CSMD1: variants seen among roughly 807,000 people sequenced by gnomAD.
The protein encoded by CSMD1 is CUB and Sushi multiple domains 1, also known as CUB and sushi domain-containing protein 1.
CSMD1 carries 213 observed loss-of-function variants against 417.5 expected under a neutral mutation model. The observed-to-expected ratio is 0.51, with a 90% confidence interval of 0.46 to 0.57. The LOEUF is 0.57. Ranked by LOEUF, CSMD1 falls within the 20% of genes least tolerant of loss-of-function variation. CSMD1 has a pLI of 0.00. For missense variants in CSMD1, 6,923 were observed against 4,529.7 expected (o/e 1.53, Z -15.17); for synonymous variants, 2,862 against 1,736.8 (o/e 1.65, Z -16.11).
At chr8:3,499,549 G>A (rs1422875942) in intron 10 of CSMD1, among the ~76,000 whole-genome samples, 2 of 152,050 alleles carry the variant, frequency 1.3e-5, no homozygotes, top group African/African-American at 2.4e-5. Flanking sequence ...GCCAGTCCTT[G>A]GTCTCCTGCA....
intron 3 of CSMD1, among the ~76,000 whole-genome samples, chr8:4,278,834 G>A (rs11996966): frequency 0.028 from 4,281 of 152,164 alleles, 205 homozygotes; most frequent in African/African-American, 0.097. Flanking sequence ...GTATTTATAG[G>A]AAAAACACTT....
intron 3 of CSMD1, among the ~76,000 whole-genome samples, chr8:4,251,816 G>C (rs916583267): frequency 2.7e-5 from 4 of 149,776 alleles, no homozygotes; most frequent in Non-Finnish European, 4.5e-5. Flanking sequence ...AGGACAGATG[G>C]AGGAGGAGAG....
At chr8:3,920,690 G>T (rs2912263) in intron 5 of CSMD1, among the ~76,000 whole-genome samples, 64,960 of 151,812 alleles carry the variant, frequency 0.43, 14,265 homozygotes, top group East Asian at 0.71. Flanking sequence ...CAGGAAAATA[G>T]GTTAAATTTT....
At chr8:3,652,009 G>T (rs752081224) in intron 7 of CSMD1, among the ~76,000 whole-genome samples, 1 of 128,670 alleles carries the variant, frequency 7.8e-6, no homozygotes, top group Non-Finnish European at 1.6e-5. Flanking sequence ...CCATCAGTGC[G>T]CTTACCACCA....
intron 7 of CSMD1, among the ~76,000 whole-genome samples, chr8:3,673,524 A>G (rs1799196829): frequency 1.3e-5 from 2 of 152,198 alleles, no homozygotes; most frequent in Admixed American, 6.5e-5. Context: ...TTACAGGAGA[A>G]AGTGTTTGCA....
chr8:3,266,451 C>G (rs1048754163), intron 26 of CSMD1, among the ~76,000 whole-genome samples: 2 of 151,310 alleles, frequency 1.3e-5, no homozygotes, highest in African/African-American at 4.9e-5. Flanking sequence ...ATGAAAAATA[C>G]AAAAATTAGC....
At chr8:3,910,374 C>G (rs1396271662) in intron 5 of CSMD1, among the ~76,000 whole-genome samples, 1 of 152,094 alleles carries the variant, frequency 6.6e-6, no homozygotes, top group Non-Finnish European at 1.5e-5. Context: ...ACAGAATGCA[C>G]CAGGAAGAGA....
At chr8:4,796,911 G>T (rs942902896) in intron 1 of CSMD1, among the ~76,000 whole-genome samples, 3 of 152,172 alleles carry the variant, frequency 2.0e-5, no homozygotes, top group Non-Finnish European at 4.4e-5. Flanking sequence ...GACACATTAG[G>T]TCTCTGAGTG....
intron 4 of CSMD1, among the ~76,000 whole-genome samples, chr8:4,009,637 T>C (rs1261698952): frequency 6.6e-6 from 1 of 152,112 alleles, no homozygotes; most frequent in Non-Finnish European, 1.5e-5. Flanking sequence ...AAATAAGAAA[T>C]ACACCCACAT....
At chr8:3,873,020 T>C (rs1214793410) in intron 5 of CSMD1, among the ~76,000 whole-genome samples, 1 of 151,830 alleles carries the variant, frequency 6.6e-6, no homozygotes, top group Non-Finnish European at 1.5e-5. Flanking sequence ...CTCACACTAC[T>C]CAGAATTGTT....
chr8:3,104,087 C>T (rs1815955372), intron 46 of CSMD1, among the ~76,000 whole-genome samples: 1 of 152,066 alleles, frequency 6.6e-6, no homozygotes, highest in Non-Finnish European at 1.5e-5. Context: ...CATACGTATG[C>T]CTTTCTTCTC....
intron 5 of CSMD1, among the ~76,000 whole-genome samples, chr8:3,893,871 CT>C (rs1465408325): frequency 6.6e-6 from 1 of 152,086 alleles, no homozygotes; most frequent in Non-Finnish European, 1.5e-5. Flanking sequence ...AAACACACCC[CT>C]GGTTGGAGAT....
intron 3 of CSMD1, among the ~76,000 whole-genome samples, chr8:4,359,599 G>A (rs1047586175): frequency 1.3e-5 from 2 of 152,194 alleles, no homozygotes; most frequent in Non-Finnish European, 2.9e-5. Flanking sequence ...CTAAAAGACT[G>A]AATTAACTCA....
intron 3 of CSMD1, among the ~76,000 whole-genome samples, chr8:4,089,567 C>G (rs1431791760): frequency 6.6e-6 from 1 of 152,118 alleles, no homozygotes; most frequent in Non-Finnish European, 1.5e-5. Flanking sequence ...ACTTGCATTA[C>G]TTAGTTATTA....
chr8:4,434,242 G>A (rs1185053979), intron 2 of CSMD1, among the ~76,000 whole-genome samples: 1 of 152,080 alleles, frequency 6.6e-6, no homozygotes, highest in South Asian at 2.1e-4. Flanking sequence ...CATAGGGTGT[G>A]GCTGTAAAAG....
chr8:4,846,480 G>C (rs901226057), intron 1 of CSMD1, among the ~76,000 whole-genome samples: 3 of 152,194 alleles, frequency 2.0e-5, no homozygotes, highest in Non-Finnish European at 4.4e-5. Flanking sequence ...GACTGAGCCT[G>C]TGACCAGCCT....
chr8:4,285,303 C>A (rs759043721), intron 3 of CSMD1, among the ~76,000 whole-genome samples: 1 of 152,158 alleles, frequency 6.6e-6, no homozygotes, highest in Non-Finnish European at 1.5e-5. Flanking sequence ...AAATTACTCT[C>A]TGAAGCCATG....
intron 3 of CSMD1, among the ~76,000 whole-genome samples, chr8:4,082,947 C>T (rs1585276135): frequency 6.6e-6 from 1 of 151,886 alleles, no homozygotes; most frequent in African/African-American, 2.4e-5. Context: ...CATGAACTCA[C>T]CATTTTTTAT....
intron 67 of CSMD1, 36 bp from the exon 68 acceptor site, chr8:2,949,422 GGT>G: frequency 9.4e-7 from 1 of 1,062,858 alleles, no homozygotes; most frequent in Non-Finnish European, 1.4e-6. Flanking sequence ...GAAATAAAAA[GGT>G]ATACGAAGGG....
Sources: allele counts gnomAD v4.1 joint callset (sites outside exome capture counted in the v4.1 genomes callset), GRCh38; gene constraint gnomAD v4.1.1; transcripts MANE v1.5; gene names NCBI Gene and HGNC (gene_info 2026-07-23, HGNC 2026-07-21).